Variants in LNX1 observed in about 807,000 individuals in gnomAD.
LNX1 encodes E3 ubiquitin-protein ligase LNX.
A neutral mutation model predicts 68.4 loss-of-function variants in LNX1; 54 were observed. The observed-to-expected ratio is 0.79, with a 90% CI of 0.63 to 0.99. The LOEUF (loss-of-function observed/expected upper bound fraction) is 0.99. Among genes scored for constraint, LNX1 ranks in the 50% least tolerant of loss-of-function variants. The pLI, the probability that LNX1 is intolerant of heterozygous loss-of-function variation, is 0.00. For missense variants in LNX1, 906 were observed against 926.4 expected (o/e 0.98, Z 0.29); for synonymous variants, 336 against 350.0 (o/e 0.96, Z 0.45).
intron 2 of LNX1, among the ~76,000 whole-genome samples, chr4:53,536,015 TA>T (rs945704538): frequency 5.3e-5 from 8 of 152,202 alleles, no homozygotes; most frequent in African/African-American, 1.9e-4. Context: ...CCTTGTGGGT[TA>T]ATTACTTGAC....
chr4:53,459,804 A>C lies in LNX1; in HGVS notation c.*1103T>G. The stretch of plus-strand genomic sequence containing the variant: ...ACAGTTTTTTTGTTAATCAAACACC[A>C]CTCTCTTAAGAGGCTGCATCACAAA... On this transcript the variant is annotated 3_prime_UTR_variant, in exon 11 of 11. Transcript: ENST00000263925. 6.5e-6 allele frequency: 2 copies of C among 308,424 alleles called. No homozygotes were observed. The highest frequency in any genetic ancestry group is 1.0e-4 in the South Asian group (2 of 19,054). 19.1% of individuals were successfully genotyped at this position (308,424 alleles called of 1,614,324 possible). A position where few individuals can be genotyped will look rare whatever the true frequency, so the allele number is the denominator to read the frequency against.
chr4:53,638,162 A>G (rs1734551382), intron 1 of LNX1, among the ~76,000 whole-genome samples: 1 of 152,216 alleles, frequency 6.6e-6, no homozygotes, highest in Admixed American at 6.5e-5. Flanking sequence ...TGTCTAATTA[A>G]TATGTTTACA....
rs573612201 is a variant in LNX1 at position 53,549,555 on chromosome 4, G to T, written c.380+24068C>A. The stretch of plus-strand genomic sequence containing the variant: ...CACAAACTAGATATTTGTTATTAAA[G>T]AATTATGGTTGTTTTTGGTGTGATA... On this transcript the variant is annotated intron_variant, in intron 2 of 10. Coordinates refer to ENST00000263925, the MANE Select transcript of LNX1 (RefSeq NM_001126328.3). 5.4e-5 allele frequency: 8 copies of T among 148,322 alleles called. No homozygotes were observed. In the South Asian group the frequency reaches 1.3e-3, roughly 24 times the overall value. The allele number at this position is 148,322 out of a possible 1,614,324, so 9.2% of individuals were successfully genotyped here.
intron 2 of LNX1, among the ~76,000 whole-genome samples, chr4:53,522,147 C>T (rs1727271083): frequency 6.6e-6 from 1 of 152,160 alleles, no homozygotes. Flanking sequence ...GACAAGGCTT[C>T]TTGCAGTCAG....
intron 2 of LNX1, among the ~76,000 whole-genome samples, chr4:53,562,815 G>C (rs1348392015): frequency 2.0e-5 from 3 of 152,168 alleles, no homozygotes; most frequent in Non-Finnish European, 2.9e-5. Flanking sequence ...ATGAGGTAAT[G>C]CATGTTGATT....
intron 2 of LNX1, among the ~76,000 whole-genome samples, chr4:53,597,078 C>T (rs935693617): frequency 1.3e-5 from 2 of 152,162 alleles, no homozygotes; most frequent in Non-Finnish European, 2.9e-5. Context: ...TACTTCCTTG[C>T]CAGCATCTTC....
At chr4:53,618,358 C>T (rs1733753984), upstream of LNX1, among the ~76,000 whole-genome samples, 1 of 152,128 alleles carries the variant, frequency 6.6e-6, no homozygotes, top group African/African-American at 2.4e-5. Flanking sequence ...GCTGTGTAGT[C>T]CATTAGGCAG....
At chr4:53,540,543 A>G (rs1396796462) in intron 2 of LNX1, among the ~76,000 whole-genome samples, 1 of 151,942 alleles carries the variant, frequency 6.6e-6, no homozygotes, top group Non-Finnish European at 1.5e-5. Flanking sequence ...TTAGCTGGGC[A>G]TGGTGGTGGG....
At chr4:53,533,665 G>T (rs1728175155) in intron 2 of LNX1, among the ~76,000 whole-genome samples, 1 of 152,196 alleles carries the variant, frequency 6.6e-6, no homozygotes, top group South Asian at 2.1e-4. Flanking sequence ...CTCCCAAAGT[G>T]CTGGGATTAC....
intron 2 of LNX1, chr4:53,603,517 A>G (rs1297127796): frequency 6.6e-6 from 1 of 152,170 alleles, no homozygotes; most frequent in African/African-American, 2.4e-5. Context: ...AAGAGGTTTA[A>G]TTGCTTCATG....
chr4:53,600,033 C>T (rs1189764109), intron 2 of LNX1, among the ~76,000 whole-genome samples: 1 of 152,122 alleles, frequency 6.6e-6, no homozygotes, highest in East Asian at 1.9e-4. Flanking sequence ...AGCTCAGTAA[C>T]CTTTTTAAAA....
chr4:53,485,684 A>C (rs1205548866), intron 6 of LNX1, among the ~76,000 whole-genome samples: 3 of 152,184 alleles, frequency 2.0e-5, no homozygotes, highest in African/African-American at 7.2e-5. Context: ...AAACGGGCTA[A>C]TATGCTTGTC....
chr4:53,515,440 G>T (rs1293537047), intron 2 of LNX1, among the ~76,000 whole-genome samples: 2 of 152,036 alleles, frequency 1.3e-5, no homozygotes, highest in Non-Finnish European at 2.9e-5. Context: ...TGATACCAAT[G>T]CTAGTCTCTC....
intron 1 of LNX1, chr4:53,575,506 G>T: frequency 1.0e-6 from 1 of 985,344 alleles, no homozygotes; most frequent in African/African-American, 1.7e-5. Context: ...CTGCCCTCAG[G>T]GAGTCCCCAT....
intron 1 of LNX1, among the ~76,000 whole-genome samples, chr4:53,586,514 T>C (rs1169647475): frequency 6.6e-6 from 1 of 152,166 alleles, no homozygotes; most frequent in Non-Finnish European, 1.5e-5. Context: ...AAGAGTCACT[T>C]GAAAAAAATC....
At chr4:53,465,760 T>C (rs1385006643) in intron 9 of LNX1, among the ~76,000 whole-genome samples, 1 of 152,236 alleles carries the variant, frequency 6.6e-6, no homozygotes, top group African/African-American at 2.4e-5. Flanking sequence ...GTTGCTAGCT[T>C]TTTTTGAAGT....
chr4:53,556,604 C>T (rs1274038403), intron 2 of LNX1, among the ~76,000 whole-genome samples: 1 of 152,176 alleles, frequency 6.6e-6, no homozygotes. Context: ...TCTAGAAAAG[C>T]TTCTGCAAGG....
In LNX1 at chr4:53,461,593, C is replaced by T. The variant is rs1385652357; in HGVS notation, c.1893G>A (p.Arg631=). The stretch of plus-strand genomic sequence containing the variant: ...CAATATCTTTACAGTTATACAAGCA[C>T]CTGAAATAGAATGTAATCAGTGTAC... ...PSWVMWLELP[R]CLYNCKDIVL... Residue 631 remains arginine, a splice_region_variant and synonymous_variant, in exon 10 of 11, where the codon CGG becomes CGA. Coordinates refer to ENST00000263925, the MANE Select transcript of LNX1 (RefSeq NM_001126328.3). 6 of 1,607,548 alleles carry T rather than the reference C, an allele frequency of 3.7e-6. No individual in the cohort carries two copies. Among genetic ancestry groups the T allele is most frequent in the African/African-American group, 1.3e-5 (1 of 74,702 alleles).
intron 2 of LNX1, among the ~76,000 whole-genome samples, chr4:53,604,821 A>G (rs1172162158): frequency 6.6e-6 from 1 of 152,250 alleles, no homozygotes; most frequent in East Asian, 1.9e-4. Flanking sequence ...AAGACAGGTC[A>G]CAGGCCACCT....
Sources: allele counts gnomAD v4.1 joint callset (sites outside exome capture counted in the v4.1 genomes callset), GRCh38; gene constraint gnomAD v4.1.1; transcripts MANE v1.5; gene names NCBI Gene and HGNC (gene_info 2026-07-23, HGNC 2026-07-21).